Variants in ALK observed in about 807,000 individuals in gnomAD.
ALK encodes the protein ALK tyrosine kinase receptor.
ALK carries 74 observed loss-of-function variants against 163.1 expected under a neutral mutation model. The observed-to-expected ratio is 0.45, with a 90% confidence interval of 0.38 to 0.55. The LOEUF (loss-of-function observed/expected upper bound fraction) is 0.55. Among genes scored for constraint, ALK ranks in the 20% least tolerant of loss-of-function variants. The pLI is 0.00. For missense variants in ALK, 2,063 were observed against 2,105.3 expected (o/e 0.98, Z 0.39); for synonymous variants, 960 against 843.2 (o/e 1.14, Z -2.40).
rs536720799 is a variant in ALK, at chr2:29,564,176, T to C, written c.953-32060A>G. ...GTCGTGCGGTGAGTGGTGCGAGCTT[T>C]GGACTCAGCTACATGGGAAGCTACC... On this transcript the variant is annotated intron_variant, in intron 3 of 28. Transcript: ENST00000389048. 5.9e-5 allele frequency among the ~76,000 whole-genome samples: 9 copies of C among 152,282 alleles called. No individual in the cohort carries two copies. The South Asian group carries it at 1.9e-3, about 32-fold the overall frequency.
At chr2:29,782,916 C>G (rs1471170811) in intron 1 of ALK, among the ~76,000 whole-genome samples, 1 of 152,196 alleles carries the variant, frequency 6.6e-6, no homozygotes, top group Non-Finnish European at 1.5e-5. Flanking sequence ...GCCCTCTGAC[C>G]ATATTCTAGA....
rs550021917 is a variant in ALK at position 29,488,354 on chromosome 2, T to C, written c.1154+43561A>G. ...TGTTGTATGCAGCAGAATGGTGGGG[T>C]CATTCCCTAACCCCCAAACTGAGAC... On this transcript the variant is annotated intron_variant, in intron 4 of 28. Coordinates refer to ENST00000389048, the MANE Select transcript of ALK (RefSeq NM_004304.5). Among the ~76,000 whole-genome samples, 24 of 152,194 alleles carry C rather than the reference T, an allele frequency of 1.6e-4. No individual in the cohort carries two copies. In the South Asian group the frequency reaches 5.0e-3, roughly 32 times the overall value.
intron 9 of ALK, among the ~76,000 whole-genome samples, chr2:29,291,794 C>T (rs1014132938): frequency 6.6e-6 from 1 of 152,174 alleles, no homozygotes; most frequent in African/African-American, 2.4e-5. Context: ...TGGATTTCCA[C>T]TCACTGAAAT....
chr2:29,212,249 C>T lies in ALK; in HGVS notation c.3743+1735G>A, dbSNP rs116057241. On this transcript the variant is annotated intron_variant, in intron 24 of 28. Coordinates refer to ENST00000389048, the MANE Select transcript of ALK (RefSeq NM_004304.5). ...ATGGAAAGATGACTCTAACCAAGGA[C>T]GACTTCAAAAGGAGCACAGCTTGGT... Among the ~76,000 whole-genome samples the T allele has an allele frequency of 4.4e-3, 665 of 152,230 alleles. 8 individuals are homozygous for T. The highest frequency in any genetic ancestry group is 0.015 in the African/African-American group (610 of 41,518).
intron 1 of ALK, among the ~76,000 whole-genome samples, chr2:29,845,699 A>G (rs560083824): frequency 2.0e-5 from 3 of 152,302 alleles, no homozygotes; most frequent in African/African-American, 7.2e-5. Flanking sequence ...CTCCAAAAGT[A>G]CTAGGATGAC....
chr2:29,652,613 G>T (rs1337794321), intron 3 of ALK, among the ~76,000 whole-genome samples: 1 of 152,182 alleles, frequency 6.6e-6, no homozygotes, highest in East Asian at 1.9e-4. Flanking sequence ...AGGATTAGAA[G>T]ATAGGGACTT....
At chr2:29,603,581 G>A (rs1675437168) in intron 3 of ALK, among the ~76,000 whole-genome samples, 1 of 152,026 alleles carries the variant, frequency 6.6e-6, no homozygotes, top group Non-Finnish European at 1.5e-5. Context: ...TCCCATCATG[G>A]TCTGAACTAG....
At chr2:29,831,008 A>AGAAGAAGAAGGGGAAGAG (rs1558508426) in intron 1 of ALK, among the ~76,000 whole-genome samples, 15 of 40,758 alleles carry the variant, frequency 3.7e-4, no homozygotes, top group African/African-American at 1.1e-3. Flanking sequence ...AAGAAGAAGA[A>AGAAGAAGAAGGGGAAGAG]GAAGGGGAAG....
At chr2:29,900,358 G>A (rs918998281) in intron 1 of ALK, among the ~76,000 whole-genome samples, 4 of 152,176 alleles carry the variant, frequency 2.6e-5, no homozygotes, top group Admixed American at 2.0e-4. Context: ...AGTGGACCAG[G>A]GCAGGTTGCC....
chr2:29,238,803 T>C (rs1252342944), intron 13 of ALK, among the ~76,000 whole-genome samples: 1 of 152,132 alleles, frequency 6.6e-6, no homozygotes, highest in Non-Finnish European at 1.5e-5. Flanking sequence ...AGCTAGTAGA[T>C]TGATTAATAA....
chr2:29,328,265 T>C (rs954283349), intron 6 of ALK, 85 bp downstream of exon 6: 5 of 1,600,428 alleles, frequency 3.1e-6, no homozygotes, highest in African/African-American at 2.7e-5. Flanking sequence ...AGGCTGTCCA[T>C]GCTCTCATGC....
intron 14 of ALK, among the ~76,000 whole-genome samples, chr2:29,232,859 C>T (rs897768233): frequency 6.6e-6 from 1 of 152,122 alleles, no homozygotes; most frequent in Non-Finnish European, 1.5e-5. Flanking sequence ...GCTCTGACCC[C>T]CAAAGATTCA....
At chr2:29,633,036 C>T (rs374451236) in intron 3 of ALK, among the ~76,000 whole-genome samples, 30 of 152,156 alleles carry the variant, frequency 2.0e-4, no homozygotes, top group African/African-American at 7.0e-4. Context: ...TCATCCACCA[C>T]GCTGACACTC....
chr2:29,694,179 A>G (rs1233290017), intron 3 of ALK, among the ~76,000 whole-genome samples: 1 of 152,160 alleles, frequency 6.6e-6, no homozygotes, highest in Non-Finnish European at 1.5e-5. Flanking sequence ...ACAATTTAAC[A>G]ATTTAACAGT....
chr2:29,765,764 T>C (rs1680845057), intron 1 of ALK, among the ~76,000 whole-genome samples: 1 of 152,214 alleles, frequency 6.6e-6, no homozygotes, highest in African/African-American at 2.4e-5. Flanking sequence ...TATTTATATA[T>C]ACACAGTGGT....
At chr2:29,298,346 C>T (rs766335860) in intron 8 of ALK, among the ~76,000 whole-genome samples, 1 of 152,254 alleles carries the variant, frequency 6.6e-6, no homozygotes, top group Non-Finnish European at 1.5e-5. Flanking sequence ...TTTCTGGCCT[C>T]ACTTAGCTTT....
intron 4 of ALK, among the ~76,000 whole-genome samples, chr2:29,480,961 C>T (rs1258307922): frequency 1.3e-5 from 2 of 152,128 alleles, no homozygotes; most frequent in African/African-American, 2.4e-5. Flanking sequence ...GTTGCTGGTC[C>T]AGGGACCACT....
At chr2:29,422,282 T>C (rs1670033470) in intron 4 of ALK, among the ~76,000 whole-genome samples, 1 of 147,454 alleles carries the variant, frequency 6.8e-6, no homozygotes, top group South Asian at 2.1e-4. Flanking sequence ...GAGGGTTTCT[T>C]GGGTCTCCTG....
intron 3 of ALK, among the ~76,000 whole-genome samples, chr2:29,616,148 C>T (rs1675838875): frequency 6.6e-6 from 1 of 152,206 alleles, no homozygotes; most frequent in East Asian, 1.9e-4. Context: ...AGTATGGCCA[C>T]AGCTCTCTGG....
Sources: allele counts gnomAD v4.1 joint callset (sites outside exome capture counted in the v4.1 genomes callset), GRCh38; gene constraint gnomAD v4.1.1; transcripts MANE v1.5; gene names NCBI Gene and HGNC (gene_info 2026-07-23, HGNC 2026-07-21).